TANGO2: variants seen among roughly 807,000 people sequenced by gnomAD.
TANGO2 encodes transport and golgi organization 2 homolog, also known as transport and Golgi organization protein 2 homolog.
Under a neutral mutation model 39.1 loss-of-function variants are expected in TANGO2, and 26 were observed. The observed-to-expected ratio is 0.67, with a 90% CI of 0.49 to 0.92. The LOEUF is 0.92. TANGO2 is among the 40% of genes least tolerant of loss of function. The pLI, the probability that TANGO2 is intolerant of heterozygous loss-of-function variation, is 0.00. For missense variants in TANGO2, 326 were observed against 360.1 expected (o/e 0.91, Z 0.77); for synonymous variants, 131 against 144.5 (o/e 0.91, Z 0.67).
chr22:20,048,292 G>A (rs1278266944), intron 3 of TANGO2: 1 of 152,200 alleles, frequency 6.6e-6, no homozygotes, highest in Non-Finnish European at 1.5e-5. Flanking sequence ...GCCACCATGT[G>A]AAGAAGGACA....
At chr22:20,026,031 T>C (rs929924263) in intron 1 of TANGO2, among the ~76,000 whole-genome samples, 13 of 152,164 alleles carry the variant, frequency 8.5e-5, no homozygotes, top group Admixed American at 6.5e-5. Context: ...CTAAGGACAA[T>C]TGGCTGTGCG....
At chr22:20,020,971 G>C (rs984264188), upstream of TANGO2, 1 of 152,038 alleles carries the variant, frequency 6.6e-6, no homozygotes, top group Non-Finnish European at 1.5e-5. Context: ...CAGCCTCCGA[G>C]CGACAGCGCG....
Position 20,064,595 on chromosome 22 carries a change from G to C in TANGO2, c.764G>C (p.Arg255Pro). The change falls in exon 9 of 9, where the codon CGT (arginine) becomes CCT (proline). Residue 255 changes from arginine to proline, a missense_variant. Coordinates refer to ENST00000327374, the MANE Select transcript of TANGO2 (RefSeq NM_152906.7). ...GACGGCCACGTGACCTTCACTGAGC[G>C]TAGCATGATGGACAAGGACCTCTCC... Reference protein sequence around the residue: ...DADGHVTFTERSMMDKDLSHW... With the variant: ...DADGHVTFTEPSMMDKDLSHW... The C allele has an allele frequency of 6.2e-7, 1 of 1,614,196 alleles. No individual in the cohort carries two copies. The highest frequency in any genetic ancestry group is 1.3e-5 in the African/African-American group (1 of 75,064).
intron 1 of TANGO2, among the ~76,000 whole-genome samples, chr22:20,033,403 T>A (rs2042242640): frequency 6.6e-6 from 1 of 152,208 alleles, no homozygotes; most frequent in East Asian, 1.9e-4. Flanking sequence ...GTCCTGCAGC[T>A]GAACTGGGGG....
rs377033015 is a variant in TANGO2, at chr22:20,037,138, A to G, written c.56+284A>G. On this transcript the variant is annotated intron_variant, in intron 2 of 8. Coordinates refer to ENST00000327374, the MANE Select transcript of TANGO2 (RefSeq NM_152906.7). The stretch of plus-strand genomic sequence containing the variant: ...ATGGGTCCAGGTGGGCTGCAGTTCT[A>G]TGGGCTTTGAGGAGGGTCGGGCGGC... The G allele has an allele frequency of 1.5e-5, 22 of 1,500,776 alleles. No homozygotes were observed. The Admixed American group carries it at 1.6e-4, about 11-fold the overall frequency. The allele number at this position is 1,500,776 out of a possible 1,614,324, so 93.0% of individuals were successfully genotyped here. A position where few individuals can be genotyped will look rare whatever the true frequency, so the allele number is the denominator to read the frequency against.
In TANGO2 at chr22:20,033,177, G is replaced by A. The variant is rs763240259; in HGVS notation, c.-39-3583G>A. The A allele has an allele frequency of 7.7e-6, 4 of 519,164 alleles. No homozygotes were observed. The East Asian group carries it at 2.4e-4, about 31-fold the overall frequency. 32.2% of individuals were successfully genotyped at this position (519,164 alleles called of 1,614,324 possible). A position where few individuals can be genotyped will look rare whatever the true frequency, so the allele number is the denominator to read the frequency against. On this transcript the variant is annotated intron_variant, in intron 1 of 8. Coordinates refer to ENST00000327374, the MANE Select transcript of TANGO2 (RefSeq NM_152906.7). ...TTGGAGAGAAAGGCAGTTCCTGATG[G>A]TCCCCTCCCCAGGGGCTGGCTTTCC...
chr22:20,017,399 C>T (rs554301788), upstream of TANGO2, among the ~76,000 whole-genome samples: 1 of 152,276 alleles, frequency 6.6e-6, no homozygotes, highest in African/African-American at 2.4e-5. Flanking sequence ...TCCTCACGCC[C>T]CTGGGTCCCC....
intron 7 of TANGO2, among the ~76,000 whole-genome samples, chr22:20,062,286 A>G (rs970473743): frequency 1.3e-5 from 2 of 152,100 alleles, no homozygotes; most frequent in Admixed American, 1.3e-4. Flanking sequence ...TTGCCATGCC[A>G]GCCTTTCTCC....
intron 7 of TANGO2, among the ~76,000 whole-genome samples, chr22:20,062,383 C>G (rs1371190877): frequency 6.6e-6 from 1 of 152,230 alleles, no homozygotes; most frequent in Admixed American, 6.5e-5. Context: ...CCACTCCCAC[C>G]CTGTCCAGCT....
At chr22:20,029,308 T>C (rs992447120) in intron 1 of TANGO2, among the ~76,000 whole-genome samples, 1 of 152,126 alleles carries the variant, frequency 6.6e-6, no homozygotes, top group African/African-American at 2.4e-5. Context: ...GAGAGGACGG[T>C]GCACGCTGGG....
intron 3 of TANGO2, among the ~76,000 whole-genome samples, chr22:20,047,142 C>A (rs1602146796): frequency 6.6e-6 from 1 of 152,074 alleles, no homozygotes; most frequent in Non-Finnish European, 1.5e-5. Flanking sequence ...AGGACAACAC[C>A]AAGCCGTTCA....
intron 3 of TANGO2, among the ~76,000 whole-genome samples, chr22:20,046,969 G>A (rs941900741): frequency 5.9e-5 from 9 of 152,190 alleles, no homozygotes; most frequent in African/African-American, 2.2e-4. Context: ...ATCTGCTTCT[G>A]ATGCAGGCCT....
At chr22:20,052,390 T>C (rs2046516276) in intron 3 of TANGO2, 75 bp from the exon 4 acceptor site, 2 of 1,540,642 alleles carry the variant, frequency 1.3e-6, no homozygotes, top group South Asian at 2.4e-5. Flanking sequence ...CGAGTATGCG[T>C]CTCCCAGGGC....
intron 6 of TANGO2, 76 bp from the exon 7 acceptor site, chr22:20,061,454 G>A (rs563151974): frequency 5.7e-5 from 85 of 1,483,670 alleles, no homozygotes; most frequent in Non-Finnish European, 7.6e-5. Context: ...CCCCGTGTTA[G>A]GTGGGTGGCA....
intron 3 of TANGO2, among the ~76,000 whole-genome samples, chr22:20,044,376 A>C (rs948812043): frequency 2.0e-5 from 3 of 152,124 alleles, no homozygotes; most frequent in Non-Finnish European, 4.4e-5. Context: ...AAATACAAAA[A>C]TTAGCCAGGC....
intron 5 of TANGO2, 54 bp downstream of exon 5, chr22:20,053,605 G>A (rs1219404638): frequency 4.9e-6 from 6 of 1,212,694 alleles, no homozygotes; most frequent in Non-Finnish European, 7.3e-6. Context: ...TCGGGGGCAG[G>A]CCTCAGGCTC....
chr22:20,062,155 T>C (rs528864722), intron 7 of TANGO2, among the ~76,000 whole-genome samples: 3 of 152,294 alleles, frequency 2.0e-5, no homozygotes, highest in Non-Finnish European at 4.4e-5. Flanking sequence ...GGGCAGGGAC[T>C]TGCAGTTCCG....
At chr22:20,056,675 A>G (rs1041564257) in intron 6 of TANGO2, 8 of 456,484 alleles carry the variant, frequency 1.8e-5, no homozygotes, top group Non-Finnish European at 3.1e-5. Flanking sequence ...CCCCCTCTGC[A>G]GCCATGTTCT....
At chr22:20,049,671 A>AG (rs969143995) in intron 3 of TANGO2, among the ~76,000 whole-genome samples, 6 of 151,840 alleles carry the variant, frequency 4.0e-5, no homozygotes, top group African/African-American at 1.5e-4. Context: ...AAAAAAAAAA[A>AG]AAAAAAGAAA....
Sources: gnomAD v4.1 joint callset for allele counts (sites outside exome capture counted in the v4.1 genomes callset) on GRCh38, gnomAD v4.1.1 for gene constraint, MANE v1.5 for transcripts, NCBI Gene and HGNC (gene_info 2026-07-23, HGNC 2026-07-21) for gene names.